TRIM2: variants seen among roughly 807,000 people sequenced by gnomAD.
The protein encoded by TRIM2 is tripartite motif containing 2.
In TRIM2, 20 loss-of-function variants were observed where a neutral mutation model predicts 75.2. That is an observed-to-expected ratio of 0.27 (90% CI 0.19 to 0.39). The LOEUF (loss-of-function observed/expected upper bound fraction) is 0.39. Ranked by LOEUF, TRIM2 falls within the 10% of genes least tolerant of loss-of-function variation. The probability of loss-of-function intolerance (pLI) is 1.00; values close to 1 mark genes in which losing one functional copy is unlikely to be tolerated. For synonymous variants in TRIM2, 373 were observed against 388.3 expected (o/e 0.96, Z 0.46); for missense variants, 660 against 990.8 (o/e 0.67, Z 4.48).
chr4:153,249,426 G>T (rs977718969), intron 1 of TRIM2, among the ~76,000 whole-genome samples: 1 of 152,262 alleles, frequency 6.6e-6, no homozygotes, highest in Non-Finnish European at 1.5e-5. Flanking sequence ...GGTTATGACC[G>T]CAGGATGGAA....
chr4:153,315,969 C>A lies in TRIM2; in HGVS notation c.1752C>A (p.Val584=). ...IIIADYDNKW[V]SIFSSDGKFK... ...TTGCCGATTATGATAATAAATGGGT[C>A]AGCATTTTCTCCTCCGATGGGAAAT... The change falls in exon 8 of 12, where the codon GTC becomes GTA. Residue 584 remains valine, a synonymous_variant. Transcript: ENST00000338700. 6.3e-7 allele frequency: 1 copy of A among 1,586,954 alleles called. No individual in the cohort carries two copies. Among genetic ancestry groups the A allele is most frequent in the South Asian group, 1.1e-5 (1 of 87,052 alleles).
At chr4:153,269,010 C>A (rs1041247344) in intron 1 of TRIM2, among the ~76,000 whole-genome samples, 1 of 152,258 alleles carries the variant, frequency 6.6e-6, no homozygotes, top group Admixed American at 6.5e-5. Flanking sequence ...TATACAAAAT[C>A]TTTAATTAAA....
intron 1 of TRIM2, among the ~76,000 whole-genome samples, chr4:153,193,584 A>G (rs1733454945): frequency 6.6e-6 from 1 of 152,176 alleles, no homozygotes. Context: ...TGACAACTAT[A>G]TCTCATTTAA....
chr4:153,159,151 A>G (rs1482223083), intron 1 of TRIM2, among the ~76,000 whole-genome samples: 3 of 152,136 alleles, frequency 2.0e-5, no homozygotes, highest in African/African-American at 7.2e-5. Context: ...AAAGACATAA[A>G]ACGGAACTGT....
chr4:153,157,427 G>A (rs1729337431), intron 1 of TRIM2, among the ~76,000 whole-genome samples: 1 of 152,148 alleles, frequency 6.6e-6, no homozygotes, highest in South Asian at 2.1e-4. Flanking sequence ...TTTGAAGTTA[G>A]AATGTGTAAA....
intron 1 of TRIM2, among the ~76,000 whole-genome samples, chr4:153,181,532 A>G (rs1353001664): frequency 6.6e-6 from 1 of 152,182 alleles, no homozygotes; most frequent in Non-Finnish European, 1.5e-5. Context: ...CTAGGCCATG[A>G]GAGGCTCATG....
intron 1 of TRIM2, among the ~76,000 whole-genome samples, chr4:153,181,247 C>T (rs1732029595): frequency 6.6e-6 from 1 of 152,228 alleles, no homozygotes; most frequent in Non-Finnish European, 1.5e-5. Flanking sequence ...CCAGGTCTCA[C>T]AGAACAGGTG....
At chr4:153,313,605 GA>G (rs1366955350) in intron 6 of TRIM2, among the ~76,000 whole-genome samples, 1 of 146,566 alleles carries the variant, frequency 6.8e-6, no homozygotes, top group African/African-American at 2.5e-5. Context: ...CATTGATGTC[GA>G]AAAACAAAAT....
chr4:153,228,559 A>G (rs1369924863), intron 1 of TRIM2, among the ~76,000 whole-genome samples: 1 of 152,240 alleles, frequency 6.6e-6, no homozygotes, highest in Non-Finnish European at 1.5e-5. Context: ...AAAGCCAGCA[A>G]TCAAAACTCA....
chr4:153,255,253 T>G (rs1246197642), intron 1 of TRIM2, among the ~76,000 whole-genome samples: 2 of 152,196 alleles, frequency 1.3e-5, no homozygotes, highest in South Asian at 4.1e-4. Context: ...TTCATTGGAA[T>G]GAATGATTGA....
At chr4:153,169,911 T>TCTCTC (rs1325977466) in intron 1 of TRIM2, among the ~76,000 whole-genome samples, 5 of 152,204 alleles carry the variant, frequency 3.3e-5, no homozygotes, top group African/African-American at 1.2e-4. Flanking sequence ...GAGGCGCGTG[T>TCTCTC]CTCTCCACAA....
intron 1 of TRIM2, among the ~76,000 whole-genome samples, chr4:153,226,304 A>G (rs1742114028): frequency 6.6e-6 from 1 of 152,252 alleles, no homozygotes; most frequent in African/African-American, 2.4e-5. Flanking sequence ...CTGGCCCAAG[A>G]GACTAAAATG....
intron 1 of TRIM2, among the ~76,000 whole-genome samples, chr4:153,178,776 A>G (rs1203409109): frequency 6.6e-6 from 1 of 152,224 alleles, no homozygotes; most frequent in Non-Finnish European, 1.5e-5. Context: ...TTATTTCCCA[A>G]TAAGAAAAAT....
intron 1 of TRIM2, among the ~76,000 whole-genome samples, chr4:153,185,024 A>G (rs772359512): frequency 3.0e-4 from 45 of 152,212 alleles, no homozygotes; most frequent in Admixed American, 1.5e-3. Flanking sequence ...TTCCATTTCC[A>G]GATACCGTTT....
intron 3 of TRIM2, among the ~76,000 whole-genome samples, chr4:153,290,985 C>T (rs1057117166): frequency 3.9e-5 from 6 of 151,958 alleles, no homozygotes; most frequent in African/African-American, 1.2e-4. Context: ...ATGTTTCAAG[C>T]CTATTCCTAA....
chr4:153,204,406 A>G (rs1430570926), upstream of TRIM2: 2 of 1,082,642 alleles, frequency 1.8e-6, no homozygotes, highest in African/African-American at 3.1e-5. Context: ...TGTGCTGACT[A>G]GCTGTTTATA....
In TRIM2 at chr4:153,270,358, A is replaced by G; in HGVS notation, c.54A>G (p.Thr18=). ...GTQQQRAGSK[T]AGPPCQWSRM... ...AGCAGCAGCGTGCAGGGTCAAAGAC[A>G]GCCGGCCCCCCATGTCAGTGGTCTA... Residue 18 remains threonine (T), a synonymous_variant, in exon 2 of 12, where the codon ACA becomes ACG. Coordinates refer to ENST00000338700, the MANE Select transcript of TRIM2 (RefSeq NM_015271.5). 6.2e-7 allele frequency: 1 copy of G among 1,613,446 alleles called. No individual in the cohort carries two copies. Among genetic ancestry groups the G allele is most frequent in the Non-Finnish European group, 8.5e-7 (1 of 1,179,680 alleles).
intron 1 of TRIM2, among the ~76,000 whole-genome samples, chr4:153,221,037 T>C (rs1739815760): frequency 6.6e-6 from 1 of 152,212 alleles, no homozygotes; most frequent in African/African-American, 2.4e-5. Context: ...AAAACTTGCA[T>C]TCAAATGTTC....
At chr4:153,309,498 T>C (rs1469099989) in intron 6 of TRIM2, among the ~76,000 whole-genome samples, 2 of 152,212 alleles carry the variant, frequency 1.3e-5, no homozygotes, top group Non-Finnish European at 2.9e-5. Context: ...AACTTATTCA[T>C]GCACTTTTTC....
Sources: allele counts gnomAD v4.1 joint callset (sites outside exome capture counted in the v4.1 genomes callset), GRCh38; gene constraint gnomAD v4.1.1; transcripts MANE v1.5; gene names NCBI Gene and HGNC (gene_info 2026-07-23, HGNC 2026-07-21).